SOX6: variants seen among roughly 807,000 people sequenced by gnomAD.
SOX6 encodes SRY-box transcription factor 6.
In SOX6, 11 loss-of-function variants were observed where a neutral mutation model predicts 97.8. The observed-to-expected ratio is 0.11, with a 90% CI of 0.07 to 0.19. SOX6 has a LOEUF of 0.19. Among genes scored for constraint, SOX6 ranks in the 10% least tolerant of loss-of-function variants. The pLI, the probability that SOX6 is intolerant of heterozygous loss-of-function variation, is 1.00. For synonymous variants in SOX6, 360 were observed against 371.4 expected (o/e 0.97, Z 0.35); for missense variants, 810 against 1,039.5 (o/e 0.78, Z 3.04).
chr11:16,060,161 CTA>C (rs979265218), intron 9 of SOX6, among the ~76,000 whole-genome samples: 36 of 150,464 alleles, frequency 2.4e-4, no homozygotes, highest in African/African-American at 8.2e-4. Flanking sequence ...GGAAATACAT[CTA>C]TTTTTTTTTA....
At chr11:16,360,763 G>A (rs954595586), upstream of SOX6, among the ~76,000 whole-genome samples, 5 of 152,134 alleles carry the variant, frequency 3.3e-5, no homozygotes, top group Non-Finnish European at 5.9e-5. Context: ...CAGGACTTTG[G>A]GAGGCTGAGG....
intron 13 of SOX6, among the ~76,000 whole-genome samples, chr11:16,010,014 T>C (rs913107786): frequency 3.3e-5 from 5 of 151,830 alleles, no homozygotes; most frequent in Non-Finnish European, 7.4e-5. Context: ...AAGCGGTGTG[T>C]TTTAAAGAAA....
chr11:16,105,374 A>C (rs1252417378), intron 7 of SOX6, among the ~76,000 whole-genome samples: 1 of 152,050 alleles, frequency 6.6e-6, no homozygotes, highest in Non-Finnish European at 1.5e-5. Flanking sequence ...GTAATAGAGG[A>C]AAAAGACCTC....
chr11:16,427,329 C>CTTT (rs57515414), intron 1 of SOX6, among the ~76,000 whole-genome samples: 1 of 145,964 alleles, frequency 6.9e-6, no homozygotes. Flanking sequence ...ATGCACTTTT[C>CTTT]TTTTTTTTTT....
intron 13 of SOX6, among the ~76,000 whole-genome samples, chr11:15,993,362 C>T (rs1854112545): frequency 6.6e-6 from 1 of 152,150 alleles, no homozygotes; most frequent in African/African-American, 2.4e-5. Flanking sequence ...GAATCCAGAA[C>T]TTGGAATGGC....
chr11:16,191,022 T>C (rs773466930), intron 4 of SOX6, among the ~76,000 whole-genome samples: 4 of 152,130 alleles, frequency 2.6e-5, no homozygotes, highest in African/African-American at 4.8e-5. Flanking sequence ...AACTTTACCA[T>C]GGCAAAGGAA....
intron 13 of SOX6, among the ~76,000 whole-genome samples, chr11:15,993,132 A>G (rs776554385): frequency 5.6e-4 from 85 of 152,216 alleles, no homozygotes; most frequent in Non-Finnish European, 1.3e-4. Flanking sequence ...TGGAAATTAT[A>G]TATCTGGAAA....
At chr11:16,682,452 T>C (rs1847935563) in intron 3 of SOX6, among the ~76,000 whole-genome samples, 1 of 152,230 alleles carries the variant, frequency 6.6e-6, no homozygotes, top group Non-Finnish European at 1.5e-5. Context: ...TCAATAAACA[T>C]AATCCATCAC....
intron 12 of SOX6, among the ~76,000 whole-genome samples, chr11:16,022,331 TTTCCTTCCTTCC>T (rs71044083): frequency 1.4e-4 from 16 of 113,790 alleles, no homozygotes; most frequent in Admixed American, 3.6e-4. Flanking sequence ...TCCTTCCTTC[TTTCCTTCCTTCC>T]TTCCTTCCTT....
intron 1 of SOX6, among the ~76,000 whole-genome samples, chr11:16,378,517 C>T (rs1028058525): frequency 6.6e-6 from 1 of 151,928 alleles, no homozygotes; most frequent in African/African-American, 2.4e-5. Context: ...CCAAATATCC[C>T]TATAATGAAA....
At chr11:16,437,335 A>C (rs1463330150) in intron 1 of SOX6, among the ~76,000 whole-genome samples, 2 of 151,886 alleles carry the variant, frequency 1.3e-5, no homozygotes, top group African/African-American at 4.8e-5. Flanking sequence ...TTTTAAAATT[A>C]ATCTTATTCT....
At chr11:16,705,506 G>A (rs1848125300) in intron 3 of SOX6, among the ~76,000 whole-genome samples, 1 of 151,060 alleles carries the variant, frequency 6.6e-6, no homozygotes, top group South Asian at 2.1e-4. Context: ...ATGTACCTGT[G>A]GTCTTAGCTA....
chr11:16,206,769 G>T (rs1852082759), intron 4 of SOX6, among the ~76,000 whole-genome samples: 2 of 152,092 alleles, frequency 1.3e-5, no homozygotes, highest in Non-Finnish European at 2.9e-5. Context: ...GAAATATTAT[G>T]ATTTATTTTA....
At chr11:16,635,167 G>T (rs942867536) in intron 3 of SOX6, among the ~76,000 whole-genome samples, 1 of 152,180 alleles carries the variant, frequency 6.6e-6, no homozygotes, top group Admixed American at 6.5e-5. Flanking sequence ...ACTCAAAAAC[G>T]TGGAAGCAAC....
At chr11:16,061,796 G>T (rs1261514440) in intron 9 of SOX6, among the ~76,000 whole-genome samples, 1 of 151,740 alleles carries the variant, frequency 6.6e-6, no homozygotes, top group African/African-American at 2.4e-5. Context: ...ATTGGCAAAA[G>T]GACATTCTTT....
intron 6 of SOX6, among the ~76,000 whole-genome samples, chr11:16,115,830 A>C (rs1165822854): frequency 1.3e-5 from 2 of 152,212 alleles, no homozygotes; most frequent in East Asian, 3.9e-4. Flanking sequence ...TTGTGTTTCA[A>C]AAGCATATTG....
chr11:16,647,130 A>G (rs1428734962), intron 3 of SOX6, among the ~76,000 whole-genome samples: 2 of 152,108 alleles, frequency 1.3e-5, no homozygotes, highest in East Asian at 3.9e-4. Context: ...ATTTGTGGAT[A>G]TTAGTCCTTT....
intron 4 of SOX6, among the ~76,000 whole-genome samples, chr11:16,525,537 A>T (rs1317283468): frequency 1.3e-5 from 2 of 151,868 alleles, no homozygotes; most frequent in African/African-American, 2.4e-5. Flanking sequence ...CCCTAGAAGA[A>T]AACCTAGGCA....
chr11:16,236,688 T>C (rs1489731849), intron 3 of SOX6, among the ~76,000 whole-genome samples: 2 of 151,942 alleles, frequency 1.3e-5, no homozygotes, highest in Admixed American at 1.3e-4. Flanking sequence ...GTCCATATAC[T>C]AGGATTAAAT....
Sources: allele counts gnomAD v4.1 joint callset (sites outside exome capture counted in the v4.1 genomes callset), GRCh38; gene constraint gnomAD v4.1.1; transcripts MANE v1.5; gene names NCBI Gene and HGNC (gene_info 2026-07-23, HGNC 2026-07-21).